The following MCF2L variants were observed in gnomAD, a reference collection of about 807,000 sequenced individuals.
MCF2L encodes the protein guanine nucleotide exchange factor DBS.
A neutral mutation model predicts 153.4 loss-of-function variants in MCF2L; 97 were observed. That is an observed-to-expected ratio of 0.63 (90% CI 0.54 to 0.75). The LOEUF (loss-of-function observed/expected upper bound fraction) is 0.75. Among genes scored for constraint, MCF2L ranks in the 30% least tolerant of loss-of-function variants. The pLI, the probability that MCF2L is intolerant of heterozygous loss-of-function variation, is 0.00. For synonymous variants in MCF2L, 659 were observed against 632.2 expected (o/e 1.04, Z -0.64); for missense variants, 1,347 against 1,495.2 (o/e 0.90, Z 1.64).
At chr13:113,024,818 C>T (rs1317006028) in intron 3 of MCF2L, 60 bp downstream of exon 3, 1 of 1,347,032 alleles carries the variant, frequency 7.4e-7, no homozygotes, top group African/African-American at 1.4e-5. Flanking sequence ...TGTGAGATTT[C>T]ACCAGGGTGG....
rs190406778 is a variant in MCF2L, at chr13:112,941,723, T to C, written c.169+39352T>C. 8.9e-4 allele frequency among the ~76,000 whole-genome samples: 136 copies of C among 152,354 alleles called. No homozygotes were observed. The highest frequency in any genetic ancestry group is 1.4e-3 in the Non-Finnish European group (98 of 68,030). On this transcript the variant is annotated intron_variant, in intron 2 of 29. Coordinates refer to the MCF2L transcript ENST00000375608. This position sits in a 1 kb window ranked among gnomAD's most constrained non-coding sequence, Gnocchi z 4.9. ...AAAATATATAAAATAAGAATAGTTA[T>C]ACTAGATATCGATCTTAGATGTGAT...
Position 113,086,151 on chromosome 13 carries a change from G to C in MCF2L, c.2275G>C (p.Glu759Gln). 4 of 1,609,660 alleles carry C rather than the reference G, an allele frequency of 2.5e-6. No individual in the cohort carries two copies. Among genetic ancestry groups the C allele is most frequent in the Non-Finnish European group, 3.4e-6 (4 of 1,178,152 alleles). Residue 759 changes from glutamate (E) to glutamine (Q), a missense_variant, in exon 21 of 30, where the codon GAG becomes CAG. Transcript: ENST00000535094. ...KEMLKYSRNC[E>Q]GAEDLQEALS... ...AATGCTGAAATACAGCAGGAACTGC[G>C]AGGGGGCTGAGGACCTGCAGGAGGC...
intron 27 of MCF2L, chr13:113,095,575 G>A (rs1667956001): frequency 1.0e-6 from 1 of 998,724 alleles, no homozygotes; most frequent in Non-Finnish European, 1.2e-6. Context: ...ATCACGTGAG[G>A]GCAGGCAGCC....
chr13:113,046,786 C>T lies in MCF2L; in HGVS notation c.369+1425C>T. 1 of 419,038 alleles carries T rather than the reference C, an allele frequency of 2.4e-6. No individual in the cohort carries two copies. Among genetic ancestry groups the T allele is most frequent in the Non-Finnish European group, 4.8e-6 (1 of 209,568 alleles). The allele number at this position is 419,038 out of a possible 1,614,324, so 26.0% of individuals were successfully genotyped here. A position where few individuals can be genotyped will look rare whatever the true frequency, so the allele number is the denominator to read the frequency against. The stretch of plus-strand genomic sequence containing the variant: ...CCTGACTCAACCTGGCACACACCAC[C>T]TATGGCATCGTTATCTGAAATAATT... On this transcript the variant is annotated intron_variant, in intron 4 of 29. Transcript: ENST00000535094. The surrounding 1 kb of genome is among the most constrained non-coding windows in gnomAD (Gnocchi z 4.4).
chr13:113,074,981 T>C lies in MCF2L; in HGVS notation c.1117-17T>C. On this transcript the variant is annotated splice_polypyrimidine_tract_variant and intron_variant, in intron 10 of 29. Coordinates refer to ENST00000535094, the MANE Select transcript of MCF2L (RefSeq NM_001112732.3). This position sits in a 1 kb window ranked among gnomAD's most constrained non-coding sequence, Gnocchi z 4.2. ...CAGAAAGAGGCCTGAGCTGGTCCTCTGGGTGGCCGTCCACAGGTGGCCGTG... is the reference window on the plus strand; with the variant it reads ...CAGAAAGAGGCCTGAGCTGGTCCTCCGGGTGGCCGTCCACAGGTGGCCGTG... 6.3e-7 allele frequency: 1 copy of C among 1,587,464 alleles called. No homozygotes were observed. The highest frequency in any genetic ancestry group is 1.7e-5 in the Admixed American group (1 of 58,962).
chr13:113,053,992 C>T lies in MCF2L; in HGVS notation c.370-6601C>T, dbSNP rs898214112. On this transcript the variant is annotated intron_variant, in intron 4 of 29. Coordinates refer to ENST00000535094, the MANE Select transcript of MCF2L (RefSeq NM_001112732.3). This position sits in a 1 kb window ranked among gnomAD's most constrained non-coding sequence, Gnocchi z 4.4. The stretch of plus-strand genomic sequence containing the variant: ...CTCCGAATCGGCGAAACGCAACCAA[C>T]GCTGGGCAGAACCTTGGCACAACTT... 1.3e-5 allele frequency among the ~76,000 whole-genome samples: 2 copies of T among 152,164 alleles called. No individual in the cohort carries two copies. Among genetic ancestry groups the T allele is most frequent in the Non-Finnish European group, 2.9e-5 (2 of 68,040 alleles).
At chr13:112,994,185 G>C (rs1364824937) in intron 1 of MCF2L, among the ~76,000 whole-genome samples, 1 of 151,264 alleles carries the variant, frequency 6.6e-6, no homozygotes, top group African/African-American at 2.4e-5. Flanking sequence ...CCAGTGTCTC[G>C]GGCAGGGGCG....
intron 8 of MCF2L, among the ~76,000 whole-genome samples, chr13:113,066,489 G>T (rs566472313): frequency 1.3e-5 from 2 of 152,342 alleles, no homozygotes; most frequent in East Asian, 1.9e-4. Context: ...TAGACCTGGG[G>T]CTTCTGCATT....
intron 2 of MCF2L, among the ~76,000 whole-genome samples, chr13:113,022,258 C>T (rs1009213833): frequency 4.0e-5 from 6 of 151,366 alleles, no homozygotes; most frequent in Non-Finnish European, 7.4e-5. Context: ...TTGTGTCCAC[C>T]GTCCACTCCA....
At chr13:113,061,225 C>G (rs2141771719) in intron 5 of MCF2L, among the ~76,000 whole-genome samples, 1 of 152,264 alleles carries the variant, frequency 6.6e-6, no homozygotes, top group East Asian at 1.9e-4. Flanking sequence ...GCCCCATCGC[C>G]ACCACACTAT....
chr13:113,037,457 T>G (rs1171694185), intron 3 of MCF2L, among the ~76,000 whole-genome samples: 5 of 152,194 alleles, frequency 3.3e-5, no homozygotes, highest in Admixed American at 6.5e-5. Flanking sequence ...CAGACTAAAC[T>G]GGTTCAGAGC....
intron 3 of MCF2L, chr13:113,042,347 C>T (rs12873452): frequency 0.36 from 54,805 of 152,238 alleles, 9,961 homozygotes; most frequent in African/African-American, 0.41. Context: ...AAACTGATTT[C>T]CTAGTATGCA....
At position 112,916,930 on chromosome 13, in the gene MCF2L, C is replaced by T. The variant is rs551580268; in HGVS notation, c.169+14559C>T. 6.6e-5 allele frequency among the ~76,000 whole-genome samples: 10 copies of T among 152,204 alleles called. No individual in the cohort carries two copies. The East Asian group carries it at 1.4e-3, about 21-fold the overall frequency. On this transcript the variant is annotated intron_variant, in intron 2 of 29. Transcript: ENST00000375608. ...TGCTCTGCACCACATCCCTGCCTTC[C>T]TGCCGGACCTCTGAGGGTCCTGCAC... is the stretch of plus-strand genomic sequence containing the variant.
intron 1 of MCF2L, among the ~76,000 whole-genome samples, chr13:112,997,641 A>G (rs1411575881): frequency 6.6e-6 from 1 of 152,134 alleles, no homozygotes; most frequent in Non-Finnish European, 1.5e-5. Flanking sequence ...AGGTTTGTAA[A>G]ATGAAATTGT....
chr13:113,079,004 C>T (rs1205369378), intron 15 of MCF2L, among the ~76,000 whole-genome samples: 6 of 152,232 alleles, frequency 3.9e-5, no homozygotes, highest in Non-Finnish European at 7.3e-5. Context: ...CTGAATGCAA[C>T]AGTGAAGGGG....
rs781656687 is a variant in MCF2L, at chr13:113,096,397, G to A, written c.3102G>A (p.Ala1034=). The A allele has an allele frequency of 1.6e-5, 26 of 1,590,408 alleles. No homozygotes were observed. In the East Asian group the frequency reaches 2.3e-4, roughly 14 times the overall value. Reference sequence around the variant, plus strand: ...TTCCAGGTAAATACACGGTCGTGGCGGACCACGAGAAGGGAGGCCCCGATG... The same window carrying A: ...TTCCAGGTAAATACACGGTCGTGGCAGACCACGAGAAGGGAGGCCCCGATG... The part of the protein sequence containing the change: ...KLVPGKYTVV[A]DHEKGGPDAL... Residue 1034 remains alanine, a synonymous_variant, in exon 28 of 30, where the codon GCG becomes GCA. Transcript: ENST00000535094.
intron 2 of MCF2L, among the ~76,000 whole-genome samples, chr13:112,926,414 G>T (rs115448342): frequency 6.6e-6 from 1 of 151,812 alleles, no homozygotes. Flanking sequence ...CATATACAGC[G>T]GAGTGCAGTA....
chr13:113,086,171 G>A lies in MCF2L; in HGVS notation c.2295G>A (p.Gln765=). The change falls in exon 21 of 30, where the codon CAG becomes CAA. Residue 765 remains glutamine, a synonymous_variant. Transcript: ENST00000535094. ...ACTGCGAGGGGGCTGAGGACCTGCA[G>A]GAGGCGCTGAGCTCCATCCTGGGCA... is the stretch of plus-strand genomic sequence containing the variant. ...SRNCEGAEDL[Q]EALSSILGIL... 6.2e-7 allele frequency: 1 copy of A among 1,610,898 alleles called. No homozygotes were observed.
intron 1 of MCF2L, among the ~76,000 whole-genome samples, chr13:112,971,192 C>T (rs1478976780): frequency 1.3e-5 from 2 of 152,172 alleles, no homozygotes; most frequent in African/African-American, 4.8e-5. Context: ...ATGATGCTAC[C>T]ACAGAGTGTA....
Sources: allele counts gnomAD v4.1 joint callset (sites outside exome capture counted in the v4.1 genomes callset), GRCh38; gene constraint gnomAD v4.1.1; non-coding constraint Gnocchi (gnomAD v3.1); transcripts MANE v1.5; gene names NCBI Gene and HGNC (gene_info 2026-07-23, HGNC 2026-07-21).